The following LINGO2 variants were observed in gnomAD, a reference collection of about 807,000 sequenced individuals.
The protein encoded by LINGO2 is leucine rich repeat and Ig domain containing 2, also known as leucine-rich repeat and immunoglobulin-like domain-containing nogo receptor-interacting protein 2.
LINGO2 carries 14 observed loss-of-function variants against 30.6 expected under a neutral mutation model. The observed-to-expected ratio is 0.46, with a 90% CI of 0.30 to 0.72. The LOEUF is 0.72. LINGO2 is among the 30% of genes least tolerant of loss of function. The probability of loss-of-function intolerance (pLI) is 0.07; values close to 1 mark genes in which losing one functional copy is unlikely to be tolerated. For synonymous variants in LINGO2, 317 were observed against 288.5 expected, an observed-to-expected ratio of 1.10 and a Z score of -1.00; for missense variants, 729 against 751.7, an observed-to-expected ratio of 0.97 and a Z score of 0.35.
the LINGO2 span, among the ~76,000 whole-genome samples, chr9:29,146,244 T>C: frequency 1.6e-4 from 24 of 152,174 alleles, no homozygotes; most frequent in African/African-American, 5.3e-4. Flanking sequence ...TAATCCCAGC[T>C]ACTCGGGAGG....
At chr9:28,228,142 A>T (rs1319972112) in intron 4 of LINGO2, among the ~76,000 whole-genome samples, 1 of 152,034 alleles carries the variant, frequency 6.6e-6, no homozygotes, top group African/African-American at 2.4e-5. Flanking sequence ...TTTTGGAGCC[A>T]GATACTCACC....
At chr9:29,164,318 A>G in the LINGO2 span, among the ~76,000 whole-genome samples, 8 of 152,152 alleles carry the variant, frequency 5.3e-5, no homozygotes, top group Non-Finnish European at 1.0e-4. Context: ...CTAAGCTACT[A>G]AGTGGGGATA....
intron 1 of LINGO2, among the ~76,000 whole-genome samples, chr9:28,487,918 T>C (rs773469869): frequency 1.3e-5 from 2 of 152,158 alleles, no homozygotes; most frequent in Non-Finnish European, 2.9e-5. Flanking sequence ...ATATGACCCA[T>C]AATGTATAGA....
the LINGO2 span, among the ~76,000 whole-genome samples, chr9:28,775,621 C>G: frequency 6.6e-6 from 1 of 152,060 alleles, no homozygotes; most frequent in African/African-American, 2.4e-5. Context: ...TATTATAAGT[C>G]TAATGTTCAA....
chr9:29,211,020 A>G, the LINGO2 span, among the ~76,000 whole-genome samples: 1 of 152,104 alleles, frequency 6.6e-6, no homozygotes, highest in African/African-American at 2.4e-5. Flanking sequence ...GTGGCCCAAT[A>G]TTTTCACCAA....
intron 2 of LINGO2, among the ~76,000 whole-genome samples, chr9:28,428,868 T>C (rs10968591): frequency 0.13 from 19,266 of 152,150 alleles, 1,409 homozygotes; most frequent in East Asian, 0.23. Context: ...AGGGAGAATG[T>C]AAAGTAGTAT....
At chr9:28,787,782 C>T in the LINGO2 span, among the ~76,000 whole-genome samples, 1 of 152,106 alleles carries the variant, frequency 6.6e-6, no homozygotes, top group African/African-American at 2.4e-5. Flanking sequence ...TAAATACATT[C>T]ATCATTGCTT....
chr9:28,416,114 G>A (rs958197527), intron 2 of LINGO2, among the ~76,000 whole-genome samples: 4 of 152,020 alleles, frequency 2.6e-5, no homozygotes, highest in Non-Finnish European at 4.4e-5. Context: ...AGGCAAAATT[G>A]CTCATTATAC....
chr9:28,947,134 T>G, the LINGO2 span, among the ~76,000 whole-genome samples: 1 of 151,686 alleles, frequency 6.6e-6, no homozygotes, highest in Non-Finnish European at 1.5e-5. Flanking sequence ...TATCTATATA[T>G]CTCTCTATAT....
chr9:28,614,215 C>T (rs1303809317), intron 1 of LINGO2, among the ~76,000 whole-genome samples: 1 of 151,888 alleles, frequency 6.6e-6, no homozygotes, highest in East Asian at 1.9e-4. Flanking sequence ...TGAATGGACA[C>T]AAGTACAAGA....
chr9:28,350,579 T>C (rs1368339681), intron 3 of LINGO2, among the ~76,000 whole-genome samples: 1 of 145,526 alleles, frequency 6.9e-6, no homozygotes, highest in Non-Finnish European at 1.5e-5. Flanking sequence ...CTGTCAACAT[T>C]AGACAGATCA....
At chr9:28,969,191 TAA>T in the LINGO2 span, among the ~76,000 whole-genome samples, 1 of 151,618 alleles carries the variant, frequency 6.6e-6, no homozygotes, top group East Asian at 1.9e-4. Flanking sequence ...GTTAAAAAAA[TAA>T]AAAGAGCAGA....
chr9:28,592,125 G>A (rs141367066), intron 1 of LINGO2, among the ~76,000 whole-genome samples: 11 of 152,076 alleles, frequency 7.2e-5, no homozygotes, highest in African/African-American at 2.4e-4. Context: ...TAGTGTTGTG[G>A]AACAAAATCA....
chr9:28,520,554 T>C (rs773584627), intron 1 of LINGO2, among the ~76,000 whole-genome samples: 9 of 152,192 alleles, frequency 5.9e-5, no homozygotes, highest in Non-Finnish European at 1.0e-4. Context: ...GTTGATACGT[T>C]ACTTGTCTGT....
At chr9:28,508,787 A>G (rs1820253675) in intron 1 of LINGO2, among the ~76,000 whole-genome samples, 1 of 152,088 alleles carries the variant, frequency 6.6e-6, no homozygotes, top group African/African-American at 2.4e-5. Flanking sequence ...AACAACCATG[A>G]CAGTTAACAG....
chr9:27,988,540 T>G (rs1330881056), intron 5 of LINGO2, among the ~76,000 whole-genome samples: 1 of 152,064 alleles, frequency 6.6e-6, no homozygotes, highest in Non-Finnish European at 1.5e-5. Context: ...ATGATCGTCA[T>G]TCTAACTGGT....
chr9:28,662,915 G>A (rs1828636670), intron 1 of LINGO2, among the ~76,000 whole-genome samples: 1 of 151,978 alleles, frequency 6.6e-6, no homozygotes, highest in African/African-American at 2.4e-5. Flanking sequence ...GCCTTTCCTT[G>A]GGAAAATGCA....
chr9:28,063,708 G>T (rs1825225144), intron 4 of LINGO2, among the ~76,000 whole-genome samples: 1 of 152,016 alleles, frequency 6.6e-6, no homozygotes. Flanking sequence ...CAGTCTTTCT[G>T]TTATAATTTG....
At chr9:28,976,767 C>A in the LINGO2 span, among the ~76,000 whole-genome samples, 1 of 151,644 alleles carries the variant, frequency 6.6e-6, no homozygotes, top group African/African-American at 2.4e-5. Context: ...TTCAGGGAAG[C>A]CTGCATCATT....
Sources: gnomAD v4.1 joint callset for allele counts (sites outside exome capture counted in the v4.1 genomes callset) on GRCh38, gnomAD v4.1.1 for gene constraint, MANE v1.5 for transcripts, NCBI Gene and HGNC (gene_info 2026-07-23, HGNC 2026-07-21) for gene names.